EXT1: variants seen among roughly 807,000 people sequenced by gnomAD.
EXT1 encodes the protein exostosin glycosyltransferase 1.
EXT1 carries 20 observed loss-of-function variants against 82.5 expected under a neutral mutation model. That is an observed-to-expected ratio of 0.24 (90% CI 0.17 to 0.35). EXT1 has a LOEUF of 0.35. Ranked by LOEUF, EXT1 falls within the 10% of genes least tolerant of loss-of-function variation. The pLI is 1.00. For synonymous variants in EXT1, 348 were observed against 350.8 expected (o/e 0.99, Z 0.09); for missense variants, 757 against 936.5 (o/e 0.81, Z 2.50).
chr8:117,896,276 C>A (rs1316875189), intron 1 of EXT1, among the ~76,000 whole-genome samples: 1 of 152,210 alleles, frequency 6.6e-6, no homozygotes, highest in Non-Finnish European at 1.5e-5. Flanking sequence ...CTTTACAATG[C>A]AAATCATCAT....
intron 1 of EXT1, among the ~76,000 whole-genome samples, chr8:117,967,674 A>T (rs1267602253): frequency 2.0e-5 from 3 of 152,232 alleles, no homozygotes; most frequent in Non-Finnish European, 4.4e-5. Flanking sequence ...CCCCTTTAAT[A>T]ATGGAACTAT....
chr8:118,012,152 C>A (rs1815912337), intron 1 of EXT1, among the ~76,000 whole-genome samples: 1 of 152,206 alleles, frequency 6.6e-6, no homozygotes, highest in South Asian at 2.1e-4. Context: ...CAGACCCAGG[C>A]CTTCAAAAGC....
chr8:118,052,796 A>T (rs1241000645), intron 1 of EXT1, among the ~76,000 whole-genome samples: 2 of 152,204 alleles, frequency 1.3e-5, no homozygotes, highest in Admixed American at 1.3e-4. Flanking sequence ...TCTGTTTAGG[A>T]TAGAGGAGGC....
intron 1 of EXT1, among the ~76,000 whole-genome samples, chr8:118,078,704 T>G (rs1817255158): frequency 6.6e-6 from 1 of 152,140 alleles, no homozygotes; most frequent in Admixed American, 6.5e-5. Context: ...ACCACCATGT[T>G]GGGAAATTTT....
At chr8:118,023,481 GC>G (rs1475175924) in intron 1 of EXT1, among the ~76,000 whole-genome samples, 1 of 152,188 alleles carries the variant, frequency 6.6e-6, no homozygotes, top group African/African-American at 2.4e-5. Flanking sequence ...CACTCTCTGA[GC>G]CATTTTAAGT....
intron 1 of EXT1, among the ~76,000 whole-genome samples, chr8:117,959,267 G>A (rs1004052058): frequency 5.2e-4 from 79 of 152,106 alleles, no homozygotes; most frequent in Non-Finnish European, 1.6e-4. Context: ...CCCAAGGCCG[G>A]CCCTGATCAA....
At chr8:117,826,582 C>T (rs1812011086) in intron 4 of EXT1, among the ~76,000 whole-genome samples, 1 of 152,112 alleles carries the variant, frequency 6.6e-6, no homozygotes, top group African/African-American at 2.4e-5. Context: ...CTGTGGATGG[C>T]ATTTTCTTCT....
intron 1 of EXT1, among the ~76,000 whole-genome samples, chr8:117,910,898 A>G (rs569983712): frequency 3.3e-5 from 5 of 152,376 alleles, no homozygotes; most frequent in Admixed American, 1.3e-4. Context: ...CCACTGGTAC[A>G]TGCAATGTAA....
chr8:118,085,723 CAA>C (rs539566198), intron 1 of EXT1, among the ~76,000 whole-genome samples: 11 of 130,496 alleles, frequency 8.4e-5, no homozygotes, highest in African/African-American at 5.6e-5. Flanking sequence ...GTGACGGAGG[CAA>C]AAAAAAAAAG....
intron 1 of EXT1, among the ~76,000 whole-genome samples, chr8:117,918,174 T>C (rs1038154279): frequency 1.3e-5 from 2 of 152,218 alleles, no homozygotes; most frequent in African/African-American, 4.8e-5. Flanking sequence ...TGGTATTTCC[T>C]ATTTCCCAGC....
chr8:117,938,548 T>C (rs1311007658), intron 1 of EXT1, among the ~76,000 whole-genome samples: 2 of 152,180 alleles, frequency 1.3e-5, no homozygotes, highest in Non-Finnish European at 2.9e-5. Flanking sequence ...TGCTCCACAG[T>C]CCCATGTGGC....
chr8:117,907,346 G>A (rs62521142), intron 1 of EXT1, among the ~76,000 whole-genome samples: 1 of 152,190 alleles, frequency 6.6e-6, no homozygotes. Flanking sequence ...ATTTGCTCTA[G>A]GTACCTAGCA....
intron 1 of EXT1, among the ~76,000 whole-genome samples, chr8:117,992,826 C>A (rs569658751): frequency 6.6e-6 from 1 of 152,308 alleles, no homozygotes; most frequent in Non-Finnish European, 1.5e-5. Flanking sequence ...CAGCTGTAGA[C>A]CCTGTATCTA....
intron 1 of EXT1, among the ~76,000 whole-genome samples, chr8:117,841,718 C>T (rs567096259): frequency 1.3e-5 from 2 of 152,276 alleles, no homozygotes; most frequent in African/African-American, 4.8e-5. Flanking sequence ...ATAAAAATGA[C>T]ATGACCTTGA....
In EXT1 at chr8:117,796,773, T is replaced by A. The variant is rs1457522501; in HGVS notation, c.*2939A>T. The A allele has an allele frequency of 6.6e-6, 1 of 152,232 alleles. No individual in the cohort carries two copies. Among genetic ancestry groups the A allele is most frequent in the Non-Finnish European group, 1.5e-5 (1 of 68,030 alleles). 9.4% of individuals were successfully genotyped at this position (152,232 alleles called of 1,614,324 possible). A position where few individuals can be genotyped will look rare whatever the true frequency, so the allele number is the denominator to read the frequency against. ...TTATTTCATGGATTTTTCTCTACAG[T>A]CTCAATTTTGAGCCATTTTGCTAGC... On this transcript the variant is annotated 3_prime_UTR_variant, in exon 11 of 11. Coordinates refer to ENST00000378204, the MANE Select transcript of EXT1 (RefSeq NM_000127.3).
chr8:117,824,335 CATTGTTAT>C (rs1225768491), intron 4 of EXT1, among the ~76,000 whole-genome samples: 1 of 152,190 alleles, frequency 6.6e-6, no homozygotes, highest in East Asian at 1.9e-4. Flanking sequence ...GGCATCACAA[CATTGTTAT>C]CTTTTAAAAT....
At chr8:117,812,790 G>T in intron 8 of EXT1, 82 bp downstream of exon 8, 1 of 1,264,380 alleles carries the variant, frequency 7.9e-7, no homozygotes, top group Non-Finnish European at 1.1e-6. Context: ...CCAAGGCACG[G>T]CTAAAAGAAG....
chr8:117,990,379 T>C lies in EXT1; in HGVS notation c.962+119706A>G, dbSNP rs186152167. 9.8e-5 allele frequency among the ~76,000 whole-genome samples: 15 copies of C among 152,322 alleles called. No homozygotes were observed. The East Asian group carries it at 2.9e-3, about 29-fold the overall frequency. ...GACAATCTGACAGCTGGGCACAGCA[T>C]CTATAGAACCAGATTTCACAAAAAA... On this transcript the variant is annotated intron_variant, in intron 1 of 10. Transcript: ENST00000378204.
intron 1 of EXT1, among the ~76,000 whole-genome samples, chr8:117,962,412 A>G (rs1047782621): frequency 1.3e-5 from 2 of 151,722 alleles, no homozygotes; most frequent in African/African-American, 4.8e-5. Flanking sequence ...GGGGTTTGAG[A>G]CCAGCCTGGG....
Sources: gnomAD v4.1 joint callset for allele counts (sites outside exome capture counted in the v4.1 genomes callset) on GRCh38, gnomAD v4.1.1 for gene constraint, MANE v1.5 for transcripts, NCBI Gene and HGNC (gene_info 2026-07-23, HGNC 2026-07-21) for gene names.